Variants in SIAH1 observed in about 807,000 individuals in gnomAD.
The protein encoded by SIAH1 is siah E3 ubiquitin protein ligase 1, also known as E3 ubiquitin-protein ligase SIAH1.
SIAH1 carries 2 observed loss-of-function variants against 20.0 expected under a neutral mutation model. The ratio of observed to expected loss-of-function variants is 0.10; its 90% CI spans 0.04 to 0.31. The LOEUF (loss-of-function observed/expected upper bound fraction) is 0.31, where lower values mean the gene tolerates loss of function less well. Ranked by LOEUF, SIAH1 falls within the 10% of genes least tolerant of loss-of-function variation. The pLI is 1.00. For synonymous variants in SIAH1, 118 were observed against 125.3 expected, an observed-to-expected ratio of 0.94 and a Z score of 0.39; for missense variants, 119 against 355.3, an observed-to-expected ratio of 0.33 and a Z score of 5.35.
chr16:48,371,145 C>G (rs1366363771), intron 1 of SIAH1, among the ~76,000 whole-genome samples: 1 of 150,496 alleles, frequency 6.6e-6, no homozygotes, highest in African/African-American at 2.4e-5. Flanking sequence ...TAAGAGCAAG[C>G]TGGCACATGC....
upstream of SIAH1, chr16:48,385,568 G>C (rs998010982): frequency 6.6e-6 from 1 of 151,856 alleles, no homozygotes; most frequent in Non-Finnish European, 1.5e-5. Flanking sequence ...CGCGGGCGTA[G>C]CTGTGCGGGT....
upstream of SIAH1, among the ~76,000 whole-genome samples, chr16:48,385,819 G>A (rs899768219): frequency 6.6e-6 from 1 of 152,150 alleles, no homozygotes; most frequent in South Asian, 2.1e-4. Context: ...GCGGCCTTGT[G>A]CCCTCCCCCT....
At position 48,362,595 on chromosome 16, in the gene SIAH1, C is replaced by A; in HGVS notation, c.-2-165G>T. 1.5e-6 allele frequency: 1 copy of A among 684,066 alleles called. No individual in the cohort carries two copies. The highest frequency in any genetic ancestry group is 2.5e-6 in the Non-Finnish European group (1 of 406,014). The allele number at this position is 684,066 out of a possible 1,614,324, so 42.4% of individuals were successfully genotyped here. A position where few individuals can be genotyped will look rare whatever the true frequency, so the allele number is the denominator to read the frequency against. On this transcript the variant is annotated intron_variant, in intron 1 of 1. Transcript: ENST00000394725. This position sits in a 1 kb window ranked among gnomAD's most constrained non-coding sequence, Gnocchi z 4.2. ...AAAAGATATTAAAAAAATAAAATTA[C>A]ACTGAATGTGCACTTTATTAGGATC...
At chr16:48,365,289 C>T (rs1960785912) in intron 1 of SIAH1, 1 of 1,267,906 alleles carries the variant, frequency 7.9e-7, no homozygotes, top group Middle Eastern at 1.9e-4. Flanking sequence ...GGAAACGTCT[C>T]GATTCTGCTG....
At chr16:48,386,198 A>G (rs954769557), upstream of SIAH1, among the ~76,000 whole-genome samples, 2 of 152,206 alleles carry the variant, frequency 1.3e-5, no homozygotes, top group Admixed American at 1.3e-4. Flanking sequence ...CTGGAATTCC[A>G]TGTAAGATCT....
chr16:48,384,782 C>G (rs1184554622), intron 1 of SIAH1, among the ~76,000 whole-genome samples: 5 of 150,922 alleles, frequency 3.3e-5, no homozygotes, highest in African/African-American at 1.2e-4. Context: ...TGACCTCCGC[C>G]ATGTTGGCCG....
chr16:48,372,226 A>G (rs183682841), intron 1 of SIAH1, among the ~76,000 whole-genome samples: 6 of 152,352 alleles, frequency 3.9e-5, no homozygotes, highest in Admixed American at 3.9e-4. Context: ...TAGGAAAGAA[A>G]TGCCATCTTT....
chr16:48,362,663 A>C lies in SIAH1; in HGVS notation c.-2-233T>G. The C allele has an allele frequency of 2.0e-6, 1 of 489,292 alleles. No individual in the cohort carries two copies. Among genetic ancestry groups the C allele is most frequent in the Non-Finnish European group, 3.8e-6 (1 of 266,432 alleles). The allele number at this position is 489,292 out of a possible 1,614,324, so 30.3% of individuals were successfully genotyped here. A position where few individuals can be genotyped will look rare whatever the true frequency, so the allele number is the denominator to read the frequency against. The stretch of plus-strand genomic sequence containing the variant: ...CTCTTTTCAAAATGTTCCGGAAAAC[A>C]TGTGGAACTCCCTTAATCGTCTTTG... On this transcript the variant is annotated intron_variant, in intron 1 of 1. Transcript: ENST00000394725. This position sits in a 1 kb window ranked among gnomAD's most constrained non-coding sequence, Gnocchi z 4.2.
intron 1 of SIAH1, among the ~76,000 whole-genome samples, chr16:48,379,681 G>A (rs1305560310): frequency 2.6e-5 from 4 of 152,174 alleles, no homozygotes; most frequent in Admixed American, 6.5e-5. Context: ...TACAACTAAA[G>A]AAAAATTATA....
chr16:48,363,725 A>G lies in SIAH1; in HGVS notation c.-2-1295T>C, dbSNP rs990678568. 5 of 167,270 alleles carry G rather than the reference A, an allele frequency of 3.0e-5. No individual in the cohort carries two copies. The East Asian group carries it at 9.6e-4, about 32-fold the overall frequency. 10.4% of individuals were successfully genotyped at this position (167,270 alleles called of 1,614,324 possible). A position where few individuals can be genotyped will look rare whatever the true frequency, so the allele number is the denominator to read the frequency against. ...TCCAGCGTTGCTGAAAACATTCATC[A>G]GCAGAGTAATAAACATTATTTAACA... On this transcript the variant is annotated intron_variant, in intron 1 of 1. Coordinates refer to ENST00000394725, the MANE Select transcript of SIAH1 (RefSeq NM_003031.4).
intron 1 of SIAH1, among the ~76,000 whole-genome samples, chr16:48,370,404 G>A (rs760727024): frequency 2.7e-5 from 4 of 148,414 alleles, no homozygotes; most frequent in Non-Finnish European, 5.9e-5. Context: ...CATTAATGAA[G>A]AACTGCCCCA....
chr16:48,361,239 ACACT>A lies in SIAH1; in HGVS notation c.*337_*340del, dbSNP rs1314287680. ...AACACGCACACACCCACGCAGGCAC[ACACT>A]CCCACGCAAAAACAAACTTTTTCAA... On this transcript the variant is annotated 3_prime_UTR_variant, in exon 2 of 2. Transcript: ENST00000394725. The A allele has an allele frequency of 7.5e-6, 2 of 267,968 alleles. No homozygotes were observed. Among genetic ancestry groups the A allele is most frequent in the Non-Finnish European group, 1.5e-5 (2 of 135,714 alleles). 16.6% of individuals were successfully genotyped at this position (267,968 alleles called of 1,614,324 possible). A position where few individuals can be genotyped will look rare whatever the true frequency, so the allele number is the denominator to read the frequency against.
At chr16:48,381,017 C>T (rs1210366467) in intron 1 of SIAH1, among the ~76,000 whole-genome samples, 1 of 150,508 alleles carries the variant, frequency 6.6e-6, no homozygotes, top group African/African-American at 2.4e-5. Flanking sequence ...AACGCTCATT[C>T]ATTGCTTGTA....
At chr16:48,378,310 G>C (rs1263427434) in intron 1 of SIAH1, among the ~76,000 whole-genome samples, 1 of 152,166 alleles carries the variant, frequency 6.6e-6, no homozygotes, top group East Asian at 1.9e-4. Context: ...CCAAGACTGT[G>C]CCATTGCACT....
At chr16:48,375,371 G>A (rs756015040) in intron 1 of SIAH1, among the ~76,000 whole-genome samples, 11 of 152,236 alleles carry the variant, frequency 7.2e-5, no homozygotes, top group Non-Finnish European at 1.0e-4. Flanking sequence ...AGGAGCAGTA[G>A]CTCACGCCTG....
intron 1 of SIAH1, among the ~76,000 whole-genome samples, chr16:48,382,990 C>T (rs535113175): frequency 6.6e-6 from 1 of 152,222 alleles, no homozygotes; most frequent in East Asian, 1.9e-4. Flanking sequence ...CCTAATCATG[C>T]TTTTTAATTA....
intron 1 of SIAH1, among the ~76,000 whole-genome samples, chr16:48,366,812 C>T (rs980020320): frequency 8.5e-5 from 13 of 152,192 alleles, no homozygotes; most frequent in Non-Finnish European, 1.9e-4. Context: ...TAAGTGTGTT[C>T]AATCACCTCA....
intron 1 of SIAH1, among the ~76,000 whole-genome samples, chr16:48,374,525 A>T (rs1006792588): frequency 1.3e-5 from 2 of 152,294 alleles, no homozygotes. Context: ...AATACAAGGG[A>T]AATAACCAAG....
At chr16:48,380,180 G>T (rs1183340539) in intron 1 of SIAH1, among the ~76,000 whole-genome samples, 1 of 152,196 alleles carries the variant, frequency 6.6e-6, no homozygotes, top group African/African-American at 2.4e-5. Flanking sequence ...GGTGGCTCAC[G>T]CCTGTAATCC....
Sources: allele counts gnomAD v4.1 joint callset (sites outside exome capture counted in the v4.1 genomes callset), GRCh38; gene constraint gnomAD v4.1.1; non-coding constraint Gnocchi (gnomAD v3.1); transcripts MANE v1.5; gene names NCBI Gene and HGNC (gene_info 2026-07-23, HGNC 2026-07-21).